Variants in ASAP1 observed in about 807,000 individuals in gnomAD.
ASAP1 encodes the protein arf-GAP with SH3 domain, ANK repeat and PH domain-containing protein 1.
ASAP1 carries 43 observed loss-of-function variants against 145.2 expected under a neutral mutation model. That is an observed-to-expected ratio of 0.30 (90% CI 0.23 to 0.38). ASAP1 has a LOEUF of 0.38. Ranked by LOEUF, ASAP1 falls within the 10% of genes least tolerant of loss-of-function variation. The pLI, the probability that ASAP1 is intolerant of heterozygous loss-of-function variation, is 1.00. For missense variants in ASAP1, 1,018 were observed against 1,355.3 expected (o/e 0.75, Z 3.91); for synonymous variants, 546 against 515.5 (o/e 1.06, Z -0.80).
chr8:130,415,780 C>CAA (rs1194904074), intron 1 of ASAP1, among the ~76,000 whole-genome samples: 104 of 97,474 alleles, frequency 1.1e-3, no homozygotes, highest in African/African-American at 2.3e-3. Context: ...AACTCCATCT[C>CAA]AAAAAAAAAA....
At chr8:130,327,852 T>C (rs543938095) in intron 3 of ASAP1, among the ~76,000 whole-genome samples, 1 of 152,178 alleles carries the variant, frequency 6.6e-6, no homozygotes, top group East Asian at 1.9e-4. Flanking sequence ...TAAAAAACAC[T>C]GCATTGTATA....
intron 28 of ASAP1, 51 bp from the exon 29 acceptor site, chr8:130,058,127 A>G: frequency 6.3e-7 from 1 of 1,595,626 alleles, no homozygotes; most frequent in Non-Finnish European, 8.6e-7. Context: ...GAATGGAAAA[A>G]AAGAGCAGCG....
At position 130,101,936 on chromosome 8, in the gene ASAP1, T is replaced by C. The variant is rs566225795; in HGVS notation, c.2402-9793A>G. ...TAGAAACACTACTGATTTTTGTATG[T>C]TGATTTTGTATCCTGTCACTTTAAT... is the stretch of plus-strand genomic sequence containing the variant. On this transcript the variant is annotated intron_variant, in intron 24 of 29. Coordinates refer to ENST00000518721, the MANE Select transcript of ASAP1 (RefSeq NM_018482.4). Among the ~76,000 whole-genome samples the C allele has an allele frequency of 8.5e-5, 13 of 152,196 alleles. No homozygotes were observed. In the East Asian group the frequency reaches 9.6e-4, roughly 11 times the overall value.
intron 13 of ASAP1, among the ~76,000 whole-genome samples, chr8:130,143,409 C>CTGT (rs1158990953): frequency 8.5e-6 from 1 of 118,028 alleles, no homozygotes; most frequent in Non-Finnish European, 1.9e-5. Context: ...TGTGAGATGT[C>CTGT]TGTTTTTTTT....
rs566860505 is a variant in ASAP1, at chr8:130,190,156, C to A, written c.406-1973G>T. Among the ~76,000 whole-genome samples the A allele has an allele frequency of 2.0e-5, 3 of 152,238 alleles. No individual in the cohort carries two copies. The South Asian group carries it at 6.2e-4, about 32-fold the overall frequency. ...CAGAAGCTTTTTAACTTCATATGAT[C>A]CCACTTGCGTTTGCTCATTTTTGCT... On this transcript the variant is annotated intron_variant, in intron 5 of 29. Transcript: ENST00000518721.
intron 3 of ASAP1, among the ~76,000 whole-genome samples, chr8:130,339,535 C>T (rs879493448): frequency 2.6e-5 from 4 of 152,122 alleles, no homozygotes; most frequent in Admixed American, 2.0e-4. Context: ...AAGTCTCCTC[C>T]ACTTGAAGGC....
chr8:130,437,942 G>T (rs1392308359), intron 1 of ASAP1, among the ~76,000 whole-genome samples: 2 of 152,152 alleles, frequency 1.3e-5, no homozygotes, highest in Non-Finnish European at 2.9e-5. Context: ...GTGCACCTTC[G>T]CACTTCCTGA....
At chr8:130,307,363 A>T (rs1045247117) in intron 3 of ASAP1, among the ~76,000 whole-genome samples, 16 of 151,970 alleles carry the variant, frequency 1.1e-4, no homozygotes, top group Non-Finnish European at 2.9e-5. Flanking sequence ...GGCAAAAAAT[A>T]AAGAGGGACT....
intron 3 of ASAP1, among the ~76,000 whole-genome samples, chr8:130,354,468 A>G (rs904578569): frequency 1.3e-5 from 2 of 152,126 alleles, no homozygotes; most frequent in East Asian, 3.9e-4. Flanking sequence ...GTAGACTTCC[A>G]TTTATCATGT....
chr8:130,171,716 T>G (rs934454237), intron 9 of ASAP1, among the ~76,000 whole-genome samples: 1 of 152,314 alleles, frequency 6.6e-6, no homozygotes, highest in Admixed American at 6.5e-5. Context: ...CTAGACCTGA[T>G]AGTCAAAGCA....
intron 8 of ASAP1, among the ~76,000 whole-genome samples, chr8:130,179,890 G>C (rs1390603810): frequency 6.6e-6 from 1 of 152,046 alleles, no homozygotes; most frequent in Non-Finnish European, 1.5e-5. Flanking sequence ...GACACTGTTT[G>C]CTCACTTGTT....
At position 130,399,160 on chromosome 8, in the gene ASAP1, C is replaced by T. The variant is rs573428931; in HGVS notation, c.59+2725G>A. Among the ~76,000 whole-genome samples the T allele has an allele frequency of 1.1e-4, 17 of 152,260 alleles. No homozygotes were observed. In the South Asian group the frequency reaches 2.1e-3, roughly 19 times the overall value. ...TTAGATGTGATGGCTAGAGCAGAAG[C>T]AGCTAAAATGGGGCTGTGAGGTGAC... On this transcript the variant is annotated intron_variant, in intron 2 of 29. Coordinates refer to ENST00000518721, the MANE Select transcript of ASAP1 (RefSeq NM_018482.4).
At chr8:130,072,824 T>TGTGCACGCGCGCGC in intron 27 of ASAP1, among the ~76,000 whole-genome samples, 12 of 32,280 alleles carry the variant, frequency 3.7e-4, no homozygotes, top group Non-Finnish European at 6.3e-4. Context: ...TGTGTGTGTG[T>TGTGCACGCGCGCGC]GCGCGCGGGG....
chr8:130,214,389 T>C (rs1413791296), intron 5 of ASAP1, among the ~76,000 whole-genome samples, 167 bp downstream of exon 5: 1 of 152,160 alleles, frequency 6.6e-6, no homozygotes, highest in Non-Finnish European at 1.5e-5. Flanking sequence ...ACTAAAAAGC[T>C]TTTTAGTTGA....
At chr8:130,072,791 ATATGTGTGTGTGTGTG>A (rs2097450104) in intron 27 of ASAP1, among the ~76,000 whole-genome samples, 2 of 91,166 alleles carry the variant, frequency 2.2e-5, no homozygotes, top group African/African-American at 8.1e-5. Context: ...CTTGCAATTG[ATATGTGTGTGTGTGTG>A]TGTGTGTGTG....
intron 1 of ASAP1, among the ~76,000 whole-genome samples, chr8:130,417,634 A>T (rs1046069414): frequency 7.3e-5 from 11 of 151,102 alleles, no homozygotes; most frequent in Non-Finnish European, 1.5e-4. Flanking sequence ...AAAAAAAAAA[A>T]GGAGAGGCAA....
At chr8:130,248,984 G>A (rs192506389) in intron 3 of ASAP1, among the ~76,000 whole-genome samples, 245 of 152,094 alleles carry the variant, frequency 1.6e-3, no homozygotes, top group African/African-American at 5.7e-3. Context: ...GGCTAGATTC[G>A]AACCCTTGGG....
intron 3 of ASAP1, among the ~76,000 whole-genome samples, chr8:130,299,770 G>C (rs958475321): frequency 1.1e-4 from 16 of 152,052 alleles, no homozygotes; most frequent in African/African-American, 3.4e-4. Flanking sequence ...TAACAACAAA[G>C]GCAATTCAGA....
chr8:130,412,963 A>T (rs947020734), intron 1 of ASAP1, among the ~76,000 whole-genome samples: 3 of 152,172 alleles, frequency 2.0e-5, no homozygotes, highest in African/African-American at 7.2e-5. Flanking sequence ...AAAAATAACA[A>T]AGCTAGCATA....
Sources: gnomAD v4.1 joint callset for allele counts (sites outside exome capture counted in the v4.1 genomes callset) on GRCh38, gnomAD v4.1.1 for gene constraint, MANE v1.5 for transcripts, NCBI Gene and HGNC (gene_info 2026-07-23, HGNC 2026-07-21) for gene names.